Variants in AKAP9 observed in about 807,000 individuals in gnomAD.
AKAP9 encodes the protein A-kinase anchor protein 9.
Under a neutral mutation model 488.5 loss-of-function variants are expected in AKAP9, and 311 were observed. The ratio of observed to expected loss-of-function variants is 0.64; its 90% CI spans 0.58 to 0.70. The LOEUF is 0.70. AKAP9 is among the 30% of genes least tolerant of loss of function. The pLI is 0.00. For synonymous variants in AKAP9, 1,462 were observed against 1,483.5 expected (o/e 0.99, Z 0.33); for missense variants, 4,215 against 4,374.5 (o/e 0.96, Z 1.03).
intron 42 of AKAP9, 92 bp from the exon 43 acceptor site, chr7:92,098,017 T>C (rs1320253028): frequency 2.2e-6 from 2 of 901,278 alleles, no homozygotes; most frequent in East Asian, 5.1e-5. Flanking sequence ...AAGTGATAGG[T>C]GAAGTAGAAC....
At chr7:92,058,238 G>C in intron 22 of AKAP9, 1 of 590,746 alleles carries the variant, frequency 1.7e-6, no homozygotes, top group South Asian at 1.4e-5. Context: ...GCAAGATGAA[G>C]ACATTTATGA....
chr7:91,992,056 A>C (rs979232473), intron 3 of AKAP9, 102 bp from the exon 4 acceptor site: 1 of 951,412 alleles, frequency 1.1e-6, no homozygotes, highest in Non-Finnish European at 1.7e-6. Flanking sequence ...CATTTTCCCT[A>C]GGAATAAAAG....
Position 92,097,592 on chromosome 7 carries a change from A to C in AKAP9, c.10405A>C (p.Thr3469Pro), listed in dbSNP as rs182637261. 6.2e-7 allele frequency: 1 copy of C among 1,613,370 alleles called. No individual in the cohort carries two copies. The highest frequency in any genetic ancestry group is 8.5e-7 in the Non-Finnish European group (1 of 1,180,008). ...ILYQNLNEPT[T>P]WSLTSDRTRN... ...TTCTGTCCAAAATTGCCAGCCAACC[A>C]CGTGGAGCTTAACCAGTGATAGAAC... The change falls in exon 42 of 50, where the codon ACG (threonine) becomes CCG (proline). Residue 3469 changes from threonine (T) to proline (P), a missense_variant. By Grantham distance (38) the Thr-to-Pro change is conservative. Transcript: ENST00000356239.
At position 92,079,154 on chromosome 7, in the gene AKAP9, G is replaced by T; in HGVS notation, c.7021G>T (p.Val2341Leu). The T allele has an allele frequency of 6.2e-7, 1 of 1,613,898 alleles. No individual in the cohort carries two copies. The highest frequency in any genetic ancestry group is 8.5e-7 in the Non-Finnish European group (1 of 1,179,906). The change falls in exon 31 of 50, where the codon GTG becomes TTG. Residue 2341 changes from valine to leucine, a missense_variant. Around this residue, in one of 5 missense-constraint regions of AKAP9, gnomAD observed 1,476 missense variants for 1,477.4 expected, o/e 1.00. Coordinates refer to ENST00000356239, the MANE Select transcript of AKAP9 (RefSeq NM_005751.5). ...ATGTTTGATGAGTGATCAAGAATGT[G>T]TGAAGAGAAATAGAGAAGAAGAAAT... ...IECLMSDQEC[V>L]KRNREEEIEQ...
In AKAP9 at chr7:92,085,819, C is replaced by T. The variant is rs114495637; in HGVS notation, c.9024+133C>T. 3.0e-3 allele frequency: 2,179 copies of T among 732,050 alleles called. 36 individuals are homozygous for T. In the African/African-American group the frequency reaches 0.035, roughly 12 times the overall value. The allele number at this position is 732,050 out of a possible 1,614,324, so 45.3% of individuals were successfully genotyped here. A position where few individuals can be genotyped will look rare whatever the true frequency, so the allele number is the denominator to read the frequency against. ...TATATATATATTTTCACACTTGAAA[C>T]TCAGCCAGAAGCAGTGCCTCATGCC... On this transcript the variant is annotated intron_variant, in intron 36 of 49. Coordinates refer to ENST00000356239, the MANE Select transcript of AKAP9 (RefSeq NM_005751.5).
At chr7:92,028,295 T>TAAAAAAAAAA (rs57352733) in intron 14 of AKAP9, among the ~76,000 whole-genome samples, 8 of 65,090 alleles carry the variant, frequency 1.2e-4, no homozygotes, top group Non-Finnish European at 1.8e-4. Flanking sequence ...CAATAAATAC[T>TAAAAAAAAAA]AAAAAAAAAA....
intron 16 of AKAP9, among the ~76,000 whole-genome samples, chr7:92,035,041 A>ATTTCT (rs1156632732): frequency 6.6e-6 from 1 of 152,098 alleles, no homozygotes; most frequent in African/African-American, 2.4e-5. Flanking sequence ...TCTAAAAGGA[A>ATTTCT]TTTCTTTTCT....
intron 38 of AKAP9, chr7:92,091,957 A>C (rs964484388): frequency 1.3e-5 from 2 of 152,160 alleles, no homozygotes; most frequent in Non-Finnish European, 2.9e-5. Context: ...AGTATTTTTT[A>C]AGTTAAAAAT....
chr7:91,955,359 C>A (rs1285357630), intron 1 of AKAP9, among the ~76,000 whole-genome samples: 1 of 152,214 alleles, frequency 6.6e-6, no homozygotes, highest in African/African-American at 2.4e-5. Context: ...TATCACCCTG[C>A]TGAAGAAGCA....
At chr7:91,993,162 C>A in intron 5 of AKAP9, 107 bp downstream of exon 5, 2 of 1,165,818 alleles carry the variant, frequency 1.7e-6, no homozygotes, top group South Asian at 1.4e-5. Flanking sequence ...TTTTTTTTAA[C>A]TTTTTTCTTT....
In AKAP9 at chr7:92,002,877, A is replaced by G; in HGVS notation, c.2960A>G (p.Lys987Arg). 1 of 1,612,770 alleles carries G rather than the reference A, an allele frequency of 6.2e-7. No homozygotes were observed. Among genetic ancestry groups the G allele is most frequent in the Non-Finnish European group, 8.5e-7 (1 of 1,179,368 alleles). ...GAAGTTAAATCTTTAAAGCAAGAGA[A>G]AGAACAAGTTTCATTGAGATGTAGA... ...NEEVKSLKQE[K>R]EQVSLRCREL... The change falls in exon 8 of 50, where the codon AAA becomes AGA. Residue 987 changes from lysine to arginine, a missense_variant. Around this residue, in one of 5 missense-constraint regions of AKAP9, gnomAD observed 2,361 missense variants for 2,430.0 expected, o/e 0.97. Transcript: ENST00000356239.
In AKAP9 at chr7:92,077,969, A is replaced by G. The variant is rs1445470315; in HGVS notation, c.6945+94A>G. ...TGTTGCTCCCCATTGAATTTAAAAAACAAACCAATTTTATTTTATTTTATT... is the reference window on the plus strand; with the variant it reads ...TGTTGCTCCCCATTGAATTTAAAAAGCAAACCAATTTTATTTTATTTTATT... On this transcript the variant is annotated intron_variant, in intron 30 of 49. Coordinates refer to ENST00000356239, the MANE Select transcript of AKAP9 (RefSeq NM_005751.5). 14 of 801,352 alleles carry G rather than the reference A, an allele frequency of 1.7e-5. No individual in the cohort carries two copies. The South Asian group carries it at 2.7e-4, about 15-fold the overall frequency. 49.6% of individuals were successfully genotyped at this position (801,352 alleles called of 1,614,324 possible).
rs1813181554 is a variant in AKAP9 at position 92,079,591 on chromosome 7, T to C, written c.7458T>C (p.Phe2486=). 6.2e-7 allele frequency: 1 copy of C among 1,613,844 alleles called. No homozygotes were observed. Among genetic ancestry groups the C allele is most frequent in the Non-Finnish European group, 8.5e-7 (1 of 1,179,992 alleles). Residue 2486 remains phenylalanine (F), a synonymous_variant, in exon 31 of 50, where the codon TTT becomes TTC. Coordinates refer to ENST00000356239, the MANE Select transcript of AKAP9 (RefSeq NM_005751.5). ...AAAATCAGACATACTTCAAATCTTT[T>C]GAAGAAAATGGCAAAGGTTCCATAA... ...SLENQTYFKS[F]EENGKGSIIN...
chr7:92,082,215 G>T (rs754544656), intron 31 of AKAP9, among the ~76,000 whole-genome samples: 3 of 152,164 alleles, frequency 2.0e-5, no homozygotes, highest in African/African-American at 7.2e-5. Flanking sequence ...GATTACAGGC[G>T]TGAGCCACCG....
Position 92,084,716 on chromosome 7 carries a change from A to G in AKAP9, c.8710+13A>G, listed in dbSNP as rs372771420. The G allele has an allele frequency of 1.9e-6, 3 of 1,609,672 alleles. No homozygotes were observed. Among genetic ancestry groups the G allele is most frequent in the Non-Finnish European group, 2.5e-6 (3 of 1,176,504 alleles). ...ATATGCTCCAGTGGTAAGTTATATA[A>G]ATATTTGTAATGTTTGTAGTAGTTG... is the stretch of plus-strand genomic sequence containing the variant. On this transcript the variant is annotated intron_variant, in intron 34 of 49. Transcript: ENST00000356239.
chr7:91,970,267 A>G (rs1404861874), intron 1 of AKAP9, among the ~76,000 whole-genome samples: 3 of 151,992 alleles, frequency 2.0e-5, no homozygotes, highest in South Asian at 4.1e-4. Context: ...ACATGTTTTT[A>G]TATTGCCTAT....
At chr7:92,040,607 A>G (rs1186137806) in intron 17 of AKAP9, 67 bp from the exon 18 acceptor site, 13 of 1,141,608 alleles carry the variant, frequency 1.1e-5, no homozygotes, top group Non-Finnish European at 1.7e-5. Context: ...TACAATATTA[A>G]TGCTGACAGA....
chr7:92,001,845 A>G lies in AKAP9; in HGVS notation c.1928A>G (p.Asp643Gly), dbSNP rs763664936. 1 of 1,613,460 alleles carries G rather than the reference A, an allele frequency of 6.2e-7. No individual in the cohort carries two copies. The highest frequency in any genetic ancestry group is 1.3e-5 in the African/African-American group (1 of 75,032). The change falls in exon 8 of 50, where the codon GAT becomes GGT. Residue 643 changes from aspartate to glycine, a missense_variant. By Grantham distance (94) the Asp-to-Gly change is moderately conservative. Coordinates refer to ENST00000356239, the MANE Select transcript of AKAP9 (RefSeq NM_005751.5). Reference protein sequence around the residue: ...HEEELSKLKEDLEIEHRINIE... With the variant: ...HEEELSKLKEGLEIEHRINIE... ...GAAGAGCTTTCCAAACTGAAGGAAG[A>G]TTTAGAAATTGAACATCGAATAAAT...
chr7:91,991,558 G>A (rs1402799450), intron 3 of AKAP9, among the ~76,000 whole-genome samples: 1 of 149,296 alleles, frequency 6.7e-6, no homozygotes, highest in East Asian at 2.0e-4. Context: ...TGCAAGTTCC[G>A]CCTCCTGGGT....
Sources: gnomAD v4.1 joint callset for allele counts (sites outside exome capture counted in the v4.1 genomes callset) on GRCh38, gnomAD v4.1.1 for gene constraint, gnomAD v4.1.1 regional missense constraint, MANE v1.5 for transcripts, NCBI Gene and HGNC (gene_info 2026-07-23, HGNC 2026-07-21) for gene names.